Variants in CEP57L1 observed in about 807,000 individuals in gnomAD.
The protein encoded by CEP57L1 is centrosomal protein 57 like 1.
CEP57L1 carries 37 observed loss-of-function variants against 61.0 expected under a neutral mutation model. The observed-to-expected ratio is 0.61, with a 90% CI of 0.47 to 0.80. The LOEUF is 0.80. Ranked by LOEUF, CEP57L1 falls within the 30% of genes least tolerant of loss-of-function variation. The pLI, the probability that CEP57L1 is intolerant of heterozygous loss-of-function variation, is 0.00. For synonymous variants in CEP57L1, 137 were observed against 162.3 expected (o/e 0.84, Z 1.19); for missense variants, 422 against 524.7 (o/e 0.80, Z 1.91).
intron 1 of CEP57L1, among the ~76,000 whole-genome samples, chr6:109,109,634 G>A (rs1402841375): frequency 6.6e-6 from 1 of 152,164 alleles, no homozygotes; most frequent in Non-Finnish European, 1.5e-5. Flanking sequence ...TTGGTTTGCT[G>A]CACCCATCAA....
intron 1 of CEP57L1, among the ~76,000 whole-genome samples, chr6:109,105,866 C>T (rs1770876229): frequency 6.6e-6 from 1 of 152,160 alleles, no homozygotes; most frequent in Non-Finnish European, 1.5e-5. Flanking sequence ...TACAGCTGCT[C>T]TCCATTGCTT....
Position 109,160,606 on chromosome 6 carries a change from AC to A in CEP57L1, c.1052del (p.Thr351MetfsTer10). 6.2e-7 allele frequency: 1 copy of A among 1,606,542 alleles called. No homozygotes were observed. Among genetic ancestry groups the A allele is most frequent in the South Asian group, 1.1e-5 (1 of 89,032 alleles). ...AGAACTACTGAAACAAATGAAGGAAACTGAAAGTCATTCAGTCTGTGACGAC... is the reference window on the plus strand; with the variant it reads ...AGAACTACTGAAACAAATGAAGGAAATGAAAGTCATTCAGTCTGTGACGAC... The part of the protein sequence containing the change: ...HQELLKQMKE[T>X]ESHSVCDDIE... On this transcript the variant is annotated frameshift_variant, in exon 10 of 11. Transcript: ENST00000517392. LOFTEE classifies it high-confidence loss of function.
At chr6:109,131,266 T>G (rs946965331) in intron 1 of CEP57L1, among the ~76,000 whole-genome samples, 4 of 152,164 alleles carry the variant, frequency 2.6e-5, no homozygotes, top group African/African-American at 9.6e-5. Flanking sequence ...TCATTGCATA[T>G]TTTTAATGTT....
intron 1 of CEP57L1, among the ~76,000 whole-genome samples, chr6:109,136,510 C>T (rs890350835): frequency 6.8e-6 from 1 of 146,606 alleles, no homozygotes; most frequent in African/African-American, 2.5e-5. Flanking sequence ...CACATGTATA[C>T]ATATGTAACA....
rs1255118404 is a variant in CEP57L1 at position 109,169,962 on chromosome 6, G to A, written c.*6992G>A. On this transcript the variant is annotated 3_prime_UTR_variant, in exon 11 of 11. Coordinates refer to ENST00000517392, the MANE Select transcript of CEP57L1 (RefSeq NM_001271852.3). Reference sequence around the variant, plus strand: ...TCAACCTGATTGAATATTTTAAAATGAATAAGTGGATAAATATCTTACCTG... The same window carrying A: ...TCAACCTGATTGAATATTTTAAAATAAATAAGTGGATAAATATCTTACCTG... Among the ~76,000 whole-genome samples the A allele has an allele frequency of 6.6e-6, 1 of 152,140 alleles. No individual in the cohort carries two copies. The highest frequency in any genetic ancestry group is 1.5e-5 in the Non-Finnish European group (1 of 68,028).
chr6:109,138,652 G>A (rs1299843960), intron 1 of CEP57L1, among the ~76,000 whole-genome samples: 2 of 152,164 alleles, frequency 1.3e-5, no homozygotes, highest in Admixed American at 1.3e-4. Flanking sequence ...TTTCTTGCCA[G>A]CATTAACTAT....
intron 3 of CEP57L1, among the ~76,000 whole-genome samples, chr6:109,148,910 A>G (rs1772274869): frequency 6.6e-6 from 1 of 152,198 alleles, no homozygotes; most frequent in African/African-American, 2.4e-5. Context: ...GGCTGCATAA[A>G]TGTCTTCTTT....
Position 109,163,704 on chromosome 6 carries a change from G to A in CEP57L1, c.*734G>A, listed in dbSNP as rs1039028530. On this transcript the variant is annotated 3_prime_UTR_variant, in exon 11 of 11. Transcript: ENST00000517392. ...ATGTCCATCAGTATAAATTGAGACTGTGAATTTCTAGGACCCACAAAAGTG... is the reference window on the plus strand; with the variant it reads ...ATGTCCATCAGTATAAATTGAGACTATGAATTTCTAGGACCCACAAAAGTG... 1 of 151,750 alleles carries A rather than the reference G, an allele frequency of 6.6e-6. No homozygotes were observed. The highest frequency in any genetic ancestry group is 1.5e-5 in the Non-Finnish European group (1 of 67,960). 9.4% of individuals were successfully genotyped at this position (151,750 alleles called of 1,614,324 possible).
intron 1 of CEP57L1, chr6:109,125,102 A>G (rs1773389740): frequency 6.6e-6 from 1 of 152,202 alleles, no homozygotes; most frequent in African/African-American, 2.4e-5. Flanking sequence ...ATAGTCTGGA[A>G]CTTTCCAGTG....
chr6:109,101,284 C>G (rs2114552781), intron 1 of CEP57L1, among the ~76,000 whole-genome samples: 1 of 152,312 alleles, frequency 6.6e-6, no homozygotes, highest in Non-Finnish European at 1.5e-5. Context: ...ACCATGGAAT[C>G]ATGCAGTATG....
At chr6:109,123,155 A>T (rs1372091561) in intron 1 of CEP57L1, among the ~76,000 whole-genome samples, 1 of 152,092 alleles carries the variant, frequency 6.6e-6, no homozygotes, top group African/African-American at 2.4e-5. Context: ...CTAACTCAGT[A>T]CTCATGGCTT....
At chr6:109,152,220 G>A (rs574784366) in intron 4 of CEP57L1, among the ~76,000 whole-genome samples, 10 of 151,768 alleles carry the variant, frequency 6.6e-5, no homozygotes, top group East Asian at 1.9e-4. Flanking sequence ...CACTCTTGTC[G>A]CCCAGGCTGG....
intron 1 of CEP57L1, chr6:109,140,592 G>A (rs990265628): frequency 2.0e-5 from 3 of 151,596 alleles, no homozygotes; most frequent in Admixed American, 6.6e-5. Context: ...GAGAGACGGG[G>A]TTTCACCATG....
rs1017447985 is a variant in CEP57L1 at position 109,168,655 on chromosome 6, G to T, written c.*5685G>T. The stretch of plus-strand genomic sequence containing the variant: ...CCTTCACCCAGGCTGGAGTGCAATG[G>T]TACAATCTCGTCTCACTGCAACCTC... On this transcript the variant is annotated 3_prime_UTR_variant, in exon 11 of 11. Coordinates refer to ENST00000517392, the MANE Select transcript of CEP57L1 (RefSeq NM_001271852.3). Among the ~76,000 whole-genome samples, 4 of 147,960 alleles carry T rather than the reference G, an allele frequency of 2.7e-5. No homozygotes were observed. Among genetic ancestry groups the T allele is most frequent in the African/African-American group, 1.0e-4 (4 of 40,048 alleles).
chr6:109,172,104 G>T lies in CEP57L1; in HGVS notation c.*9134G>T, dbSNP rs1774431954. On this transcript the variant is annotated 3_prime_UTR_variant, in exon 11 of 11. Transcript: ENST00000517392. ...ATCAGCAGCTGAAAAAAGGCACATA[G>T]GGCAAAGTCTGGGGGACACCAGGCA... Among the ~76,000 whole-genome samples the T allele has an allele frequency of 6.6e-6, 1 of 152,256 alleles. No homozygotes were observed. The highest frequency in any genetic ancestry group is 2.4e-5 in the African/African-American group (1 of 41,544).
At chr6:109,143,548 T>G (rs1048383151) in intron 1 of CEP57L1, among the ~76,000 whole-genome samples, 3 of 152,176 alleles carry the variant, frequency 2.0e-5, no homozygotes, top group Non-Finnish European at 2.9e-5. Context: ...AGTGGATTAT[T>G]CTGCTTGTGC....
At position 109,160,630 on chromosome 6, in the gene CEP57L1, G is replaced by A. The variant is rs752255524; in HGVS notation, c.1075G>A (p.Asp359Asn). The change falls in exon 10 of 11, where the codon GAC becomes AAC. Residue 359 changes from aspartate (D) to asparagine (N), a missense_variant. Transcript: ENST00000517392. The part of the protein sequence containing the change: ...KETESHSVCD[D>N]IECELECLLK... ...AACTGAAAGTCATTCAGTCTGTGAC[G>A]ACATAGAATGTGAACTAGAGTGTTT... The A allele has an allele frequency of 1.0e-5, 16 of 1,605,796 alleles. No individual in the cohort carries two copies. Among genetic ancestry groups the A allele is most frequent in the East Asian group, 2.2e-5 (1 of 44,456 alleles).
chr6:109,109,038 A>C (rs978698580), intron 1 of CEP57L1, among the ~76,000 whole-genome samples: 4 of 152,244 alleles, frequency 2.6e-5, no homozygotes, highest in African/African-American at 7.2e-5. Context: ...CTAGAAATAC[A>C]AATTTCTAAC....
Position 109,113,632 on chromosome 6 carries a change from A to C in CEP57L1, c.-4+18057A>C, listed in dbSNP as rs1198745524. Among the ~76,000 whole-genome samples the C allele has an allele frequency of 2.0e-5, 3 of 152,196 alleles. No individual in the cohort carries two copies. In the East Asian group the frequency reaches 5.8e-4, roughly 29 times the overall value. ...TCACAGCATTATTTTATGTATCACA[A>C]AGAAAAACTGCTGCCAAATATAGTT... On this transcript the variant is annotated intron_variant, in intron 1 of 10. Coordinates refer to ENST00000517392, the MANE Select transcript of CEP57L1 (RefSeq NM_001271852.3).
Sources: gnomAD v4.1 joint callset for allele counts (sites outside exome capture counted in the v4.1 genomes callset) on GRCh38, gnomAD v4.1.1 for gene constraint, MANE v1.5 for transcripts, NCBI Gene and HGNC (gene_info 2026-07-23, HGNC 2026-07-21) for gene names.